The following DNAH14 variants were observed in gnomAD, a reference collection of about 807,000 sequenced individuals.
DNAH14 encodes the protein axonemal beta dynein heavy chain 14.
Under a neutral mutation model 520.9 loss-of-function variants are expected in DNAH14, and 478 were observed. The ratio of observed to expected loss-of-function variants is 0.92; its 90% CI spans 0.85 to 0.99. The LOEUF is 0.99. DNAH14 is among the 50% of genes least tolerant of loss of function. DNAH14 has a pLI of 0.00. For missense variants in DNAH14, 4,831 were observed against 5,234.5 expected, an observed-to-expected ratio of 0.92 and a Z score of 2.38; for synonymous variants, 1,581 against 1,757.2, an observed-to-expected ratio of 0.90 and a Z score of 2.51.
chr1:225,140,814 C>T lies in DNAH14; in HGVS notation c.4301C>T (p.Ser1434Phe). The part of the protein sequence containing the change: ...YNDCVKSFVS[S>F]YSREKLEKVH... The stretch of plus-strand genomic sequence containing the variant: ...GATTGTGTTAAAAGTTTTGTGAGTT[C>T]TTATTCAAGAGAAAAATTGGAAAAA... The change falls in exon 28 of 86, where the codon TCT (serine) becomes TTT (phenylalanine). Residue 1434 changes from serine to phenylalanine, a missense_variant. Transcript: ENST00000682510. 2 of 1,550,458 alleles carry T rather than the reference C, an allele frequency of 1.3e-6. No individual in the cohort carries two copies. The highest frequency in any genetic ancestry group is 1.7e-6 in the Non-Finnish European group (2 of 1,146,810).
In DNAH14 at chr1:225,152,850, T is replaced by C; in HGVS notation, c.5163T>C (p.Leu1721=). The change falls in exon 33 of 86, where the codon CTT becomes CTC. Residue 1721 remains leucine, a synonymous_variant. Coordinates refer to ENST00000682510, the MANE Select transcript of DNAH14 (RefSeq NM_001367479.1). ...ANSLSGKLTN[L]YELARKQLSQ... is the part of the protein sequence containing the mutation. ...CACTCTCTGGAAAGCTAACTAACCT[T>C]TATGAATTAGCGCGCAAACAGCTCT... 1 of 1,550,968 alleles carries C rather than the reference T, an allele frequency of 6.4e-7. No homozygotes were observed. The highest frequency in any genetic ancestry group is 1.4e-5 in the African/African-American group (1 of 73,148).
At chr1:225,307,435 C>T in intron 58 of DNAH14, 26 bp from the exon 59 acceptor site, 3 of 1,443,650 alleles carry the variant, frequency 2.1e-6, no homozygotes, top group South Asian at 1.3e-5. Context: ...TATCTTACAC[C>T]TTCTTAATAC....
intron 5 of DNAH14, among the ~76,000 whole-genome samples, chr1:224,965,400 C>G (rs750414070): frequency 2.0e-5 from 3 of 152,072 alleles, no homozygotes; most frequent in Non-Finnish European, 4.4e-5. Flanking sequence ...CAATTAAGAA[C>G]CACTGCTTCC....
intron 36 of DNAH14, among the ~76,000 whole-genome samples, chr1:225,169,699 C>G (rs2082400506): frequency 6.6e-6 from 1 of 152,162 alleles, no homozygotes; most frequent in Non-Finnish European, 1.5e-5. Context: ...AAACACTCTG[C>G]AGGATATTTT....
Position 224,999,650 on chromosome 1 carries a change from CTA to C in DNAH14, c.831-3131_831-3130del, listed in dbSNP as rs141379171. 1.5e-3 allele frequency among the ~76,000 whole-genome samples: 223 copies of C among 151,898 alleles called. 5 individuals carry two copies. The East Asian group carries it at 0.038, about 26-fold the overall frequency. On this transcript the variant is annotated intron_variant, in intron 8 of 85. Transcript: ENST00000682510. The stretch of plus-strand genomic sequence containing the variant: ...TGTTCGTTCTCTCTGCTGTTTGTTT[CTA>C]TGTTTTATTTTTCCTGCCTTGAACA...
rs1346704223 is a variant in DNAH14, at chr1:225,002,913, A to G, written c.961A>G (p.Ile321Val). Residue 321 changes from isoleucine to valine, a missense_variant, in exon 9 of 86, where the codon ATA (isoleucine) becomes GTA (valine). By Grantham distance (29) the Ile-to-Val change is conservative. Coordinates refer to ENST00000682510, the MANE Select transcript of DNAH14 (RefSeq NM_001367479.1). ...YNDHENNLSA[I>V]CLVKLDSSRT... ...TGACCATGAAAATAATCTATCTGCC[A>G]TATGCCTTGTAAAGGTGAGTAGAAG... 2 of 1,547,990 alleles carry G rather than the reference A, an allele frequency of 1.3e-6. No homozygotes were observed. Among genetic ancestry groups the G allele is most frequent in the East Asian group, 2.5e-5 (1 of 40,738 alleles).
chr1:224,970,118 G>A (rs1351492780), intron 7 of DNAH14, among the ~76,000 whole-genome samples: 1 of 152,122 alleles, frequency 6.6e-6, no homozygotes, highest in African/African-American at 2.4e-5. Flanking sequence ...CTTTTTCTCA[G>A]CAAGGAACAT....
intron 10 of DNAH14, among the ~76,000 whole-genome samples, chr1:225,013,477 A>G (rs1324463675): frequency 2.2e-4 from 34 of 152,182 alleles, no homozygotes; most frequent in Admixed American, 2.2e-3. Context: ...TCAGTCCTTT[A>G]GCACTGTGCT....
chr1:225,016,468 T>C (rs889870394), intron 10 of DNAH14, among the ~76,000 whole-genome samples: 2 of 152,208 alleles, frequency 1.3e-5, no homozygotes, highest in African/African-American at 4.8e-5. Context: ...TTGATACTTT[T>C]AAAATTCTTT....
At chr1:225,391,194 T>C (rs906920742) in intron 83 of DNAH14, among the ~76,000 whole-genome samples, 1 of 152,196 alleles carries the variant, frequency 6.6e-6, no homozygotes, top group African/African-American at 2.4e-5. Flanking sequence ...CTCCATCCTG[T>C]GGCAGCAGAA....
In DNAH14 at chr1:225,153,790, T is replaced by C. The variant is rs1477859841; in HGVS notation, c.5237T>C (p.Leu1746Ser). 4.5e-6 allele frequency: 7 copies of C among 1,550,134 alleles called. No homozygotes were observed. The Admixed American group carries it at 1.4e-4, about 30-fold the overall frequency. ...NFGLRSLKIV[L>S]IMAGTKKREF... ...GGCTTGAGATCTCTGAAGATAGTTT[T>C]AATAATGGCTGGAACGAAGAAACGG... The change falls in exon 34 of 86, where the codon TTA becomes TCA. Residue 1746 changes from leucine (L) to serine (S), a missense_variant. Coordinates refer to ENST00000682510, the MANE Select transcript of DNAH14 (RefSeq NM_001367479.1).
At position 225,303,217 on chromosome 1, in the gene DNAH14, A is replaced by C. The variant is rs1377226686; in HGVS notation, c.8693A>C (p.Gln2898Pro). 3 of 1,542,742 alleles carry C rather than the reference A, an allele frequency of 1.9e-6. No individual in the cohort carries two copies. The highest frequency in any genetic ancestry group is 2.6e-6 in the Non-Finnish European group (3 of 1,143,832). Residue 2898 changes from glutamine to proline, a missense_variant, in exon 57 of 86, where the codon CAA becomes CCA. Transcript: ENST00000682510. Reference protein sequence around the residue: ...IMSPEGPSFRQNCRVYPSMIS... With the variant: ...IMSPEGPSFRPNCRVYPSMIS... ...AGTCCTGAAGGACCTAGCTTCCGCC[A>C]AAATTGTAGAGTGTATCCTTCTATG...
intron 20 of DNAH14, among the ~76,000 whole-genome samples, chr1:225,083,472 C>T (rs931288825): frequency 5.3e-5 from 8 of 152,090 alleles, no homozygotes; most frequent in South Asian, 2.1e-4. Context: ...TCAACTTTCT[C>T]GTGAACTCCA....
At chr1:224,973,658 C>G (rs1258544599) in intron 7 of DNAH14, among the ~76,000 whole-genome samples, 1 of 152,106 alleles carries the variant, frequency 6.6e-6, no homozygotes, top group Non-Finnish European at 1.5e-5. Flanking sequence ...TATATAATAT[C>G]AAAATGACAT....
rs879274136 is a variant in DNAH14, at chr1:225,232,274, T to TACACACAC, written c.6518+1124_6518+1125insCACACACA. 1.4e-4 allele frequency among the ~76,000 whole-genome samples: 19 copies of TACACACAC among 138,168 alleles called. No individual in the cohort carries two copies. Among genetic ancestry groups the TACACACAC allele is most frequent in the South Asian group, 4.7e-4 (2 of 4,260 alleles). The allele number at this position is 138,168 out of a possible 152,430, so 90.6% of individuals were successfully genotyped here. On this transcript the variant is annotated intron_variant, in intron 42 of 85. Coordinates refer to ENST00000682510, the MANE Select transcript of DNAH14 (RefSeq NM_001367479.1). The surrounding 1 kb of genome is among the most constrained non-coding windows in gnomAD (Gnocchi z 4.2). ...CATTATATATATAAACTGTGATATA[T>TACACACAC]ATATATACACACACACACACACACA...
intron 50 of DNAH14, 121 bp from the exon 51 acceptor site, chr1:225,271,785 A>T (rs2093321443): frequency 2.5e-6 from 2 of 787,584 alleles, no homozygotes; most frequent in Non-Finnish European, 2.0e-6. Context: ...TTTTAATTTT[A>T]ACATTTAATG....
chr1:225,335,670 CATATATGT>C (rs1558433871), intron 66 of DNAH14, among the ~76,000 whole-genome samples: 2 of 84,098 alleles, frequency 2.4e-5, no homozygotes, highest in Non-Finnish European at 4.7e-5. Context: ...TACATATGTG[CATATATGT>C]ATATACGCAT....
At chr1:224,941,204 T>C (rs1000829776) in intron 1 of DNAH14, among the ~76,000 whole-genome samples, 1 of 152,068 alleles carries the variant, frequency 6.6e-6, no homozygotes, top group African/African-American at 2.4e-5. Flanking sequence ...TTTTAATGAT[T>C]GCCATTCTAA....
intron 41 of DNAH14, among the ~76,000 whole-genome samples, chr1:225,214,978 T>C (rs2089073326): frequency 6.6e-6 from 1 of 152,236 alleles, no homozygotes; most frequent in Non-Finnish European, 1.5e-5. Flanking sequence ...CTTGCTTCTC[T>C]AGTTCTTTTA....
Sources: allele counts gnomAD v4.1 joint callset (sites outside exome capture counted in the v4.1 genomes callset), GRCh38; gene constraint gnomAD v4.1.1; non-coding constraint Gnocchi (gnomAD v3.1); transcripts MANE v1.5; gene names NCBI Gene and HGNC (gene_info 2026-07-23, HGNC 2026-07-21).